Variants in STK33 observed in about 807,000 individuals in gnomAD.
STK33 encodes the protein serine/threonine kinase 33.
STK33 carries 52 observed loss-of-function variants against 58.0 expected under a neutral mutation model. That is an observed-to-expected ratio of 0.90 (90% CI 0.72 to 1.13). The LOEUF (loss-of-function observed/expected upper bound fraction) is 1.13, where lower values mean the gene tolerates loss of function less well. STK33 is among the 50% of genes most tolerant of loss of function. The pLI is 0.00. For synonymous variants in STK33, 215 were observed against 200.1 expected (o/e 1.07, Z -0.63); for missense variants, 630 against 604.2 (o/e 1.04, Z -0.45).
At chr11:8,357,276 G>T in the STK33 span, among the ~76,000 whole-genome samples, 1 of 152,212 alleles carries the variant, frequency 6.6e-6, no homozygotes, top group Non-Finnish European at 1.5e-5. Context: ...CAGCTCGCTG[G>T]GTCCGGCCCC....
At chr11:8,462,472 C>CACACACACACAT (rs541126483) in intron 7 of STK33, among the ~76,000 whole-genome samples, 3 of 141,924 alleles carry the variant, frequency 2.1e-5, no homozygotes, top group South Asian at 2.3e-4. Context: ...CACACACACA[C>CACACACACACAT]ATATATATAT....
At chr11:8,399,003 A>C (rs868588820) in intron 15 of STK33, among the ~76,000 whole-genome samples, 1,832 of 152,196 alleles carry the variant, frequency 0.012, 38 homozygotes, top group African/African-American at 0.042. Flanking sequence ...CTTAGACTCC[A>C]ACACAATAAT....
At chr11:8,454,136 A>T (rs1223313358) in intron 10 of STK33, among the ~76,000 whole-genome samples, 1 of 152,250 alleles carries the variant, frequency 6.6e-6, no homozygotes, top group African/African-American at 2.4e-5. Flanking sequence ...CATAGGACTT[A>T]GCTTCTGCAA....
At chr11:8,410,325 A>T (rs1939990720) in intron 15 of STK33, among the ~76,000 whole-genome samples, 1 of 152,168 alleles carries the variant, frequency 6.6e-6, no homozygotes, top group Admixed American at 6.5e-5. Context: ...AAAGTTTTTA[A>T]ACCACCATGC....
chr11:8,365,061 T>C, the STK33 span, among the ~76,000 whole-genome samples: 2 of 140,250 alleles, frequency 1.4e-5, no homozygotes. Context: ...AGGGAACAGC[T>C]GGTTAGTCCC....
In STK33 at chr11:8,517,699, G is replaced by C. The variant is rs574159833; in HGVS notation, c.-465-37085C>G. ...TGAGAACTACGTGACGCATGCACAA[G>C]CTTCAGTAGCCAATTTGATAAAGAG... On this transcript the variant is annotated intron_variant, in intron 1 of 15. Transcript: ENST00000687296. Among the ~76,000 whole-genome samples the C allele has an allele frequency of 2.0e-4, 30 of 152,306 alleles. No individual in the cohort carries two copies. In the South Asian group the frequency reaches 5.0e-3, roughly 25 times the overall value.
the STK33 span, among the ~76,000 whole-genome samples, chr11:8,344,708 G>C: frequency 6.6e-6 from 1 of 152,196 alleles, no homozygotes; most frequent in African/African-American, 2.4e-5. Flanking sequence ...TTTCCTTCTA[G>C]GGTGTGGAAA....
intron 1 of STK33, among the ~76,000 whole-genome samples, chr11:8,583,120 G>A (rs541725330): frequency 2.0e-5 from 3 of 152,214 alleles, no homozygotes; most frequent in South Asian, 4.2e-4. Context: ...CAGGTCATAC[G>A]TAATTATGTC....
At chr11:8,410,254 A>G (rs556845245) in intron 15 of STK33, among the ~76,000 whole-genome samples, 5 of 152,310 alleles carry the variant, frequency 3.3e-5, no homozygotes, top group Admixed American at 3.3e-4. Flanking sequence ...TTAAATGTCA[A>G]CATTTCTTGT....
At chr11:8,491,760 T>C (rs1415888316) in intron 1 of STK33, among the ~76,000 whole-genome samples, 1 of 152,194 alleles carries the variant, frequency 6.6e-6, no homozygotes, top group Non-Finnish European at 1.5e-5. Context: ...GCAGAAACTC[T>C]ACAAGCCAGA....
intron 14 of STK33, among the ~76,000 whole-genome samples, chr11:8,427,426 C>A (rs926283761): frequency 6.6e-6 from 1 of 151,944 alleles, no homozygotes; most frequent in Non-Finnish European, 1.5e-5. Flanking sequence ...AATTTCATTA[C>A]GTCTATTTGT....
intron 11 of STK33, among the ~76,000 whole-genome samples, chr11:8,447,197 T>C (rs1032329968): frequency 2.0e-5 from 3 of 152,076 alleles, no homozygotes; most frequent in Admixed American, 6.6e-5. Context: ...GCAGCCAACA[T>C]ACCAGAGGTA....
chr11:8,413,044 T>A (rs1240820724), intron 15 of STK33, among the ~76,000 whole-genome samples: 1 of 152,216 alleles, frequency 6.6e-6, no homozygotes, highest in African/African-American at 2.4e-5. Flanking sequence ...CCATTCCAAA[T>A]TCTATAGTCT....
At chr11:8,390,270 G>A (rs148775335), downstream of STK33, among the ~76,000 whole-genome samples, 241 of 152,222 alleles carry the variant, frequency 1.6e-3, no homozygotes, top group African/African-American at 5.3e-3. Flanking sequence ...TAACACCTGC[G>A]CTGTGCTGTC....
intron 1 of STK33, among the ~76,000 whole-genome samples, chr11:8,561,079 T>C (rs1041181953): frequency 1.3e-5 from 2 of 152,194 alleles, no homozygotes; most frequent in African/African-American, 4.8e-5. Flanking sequence ...TCTGTTTTCA[T>C]ACAACGCAGT....
At chr11:8,371,554 G>A in the STK33 span, among the ~76,000 whole-genome samples, 1 of 152,216 alleles carries the variant, frequency 6.6e-6, no homozygotes, top group African/African-American at 2.4e-5. Context: ...CTGATATAGG[G>A]AGAAAGCATG....
At chr11:8,355,595 C>T in the STK33 span, among the ~76,000 whole-genome samples, 2 of 152,180 alleles carry the variant, frequency 1.3e-5, no homozygotes, top group Non-Finnish European at 2.9e-5. Context: ...GCTCCAGGCC[C>T]GCCCTTCCAG....
chr11:8,477,762 T>G (rs780360120), intron 2 of STK33, among the ~76,000 whole-genome samples: 14 of 152,204 alleles, frequency 9.2e-5, no homozygotes, highest in African/African-American at 7.2e-5. Flanking sequence ...CATTATCATA[T>G]CACTGACATT....
chr11:8,453,766 A>G (rs987230759), intron 10 of STK33, among the ~76,000 whole-genome samples: 7 of 152,226 alleles, frequency 4.6e-5, no homozygotes, highest in Non-Finnish European at 8.8e-5. Context: ...TGCCTTATGG[A>G]GTAAGAAAAT....
Sources: allele counts gnomAD v4.1 joint callset (sites outside exome capture counted in the v4.1 genomes callset), GRCh38; gene constraint gnomAD v4.1.1; transcripts MANE v1.5; gene names NCBI Gene and HGNC (gene_info 2026-07-23, HGNC 2026-07-21).